Variants in GRID2 observed in about 807,000 individuals in gnomAD.
GRID2 encodes glutamate receptor ionotropic, delta-2.
GRID2 carries 33 observed loss-of-function variants against 114.8 expected under a neutral mutation model. The ratio of observed to expected loss-of-function variants is 0.29; its 90% confidence interval spans 0.22 to 0.38. GRID2 has a LOEUF of 0.38. Ranked by LOEUF, GRID2 falls within the 10% of genes least tolerant of loss-of-function variation. The probability of loss-of-function intolerance (pLI) is 1.00; values close to 1 mark genes in which losing one functional copy is unlikely to be tolerated. For missense variants in GRID2, 1,184 were observed against 1,257.7 expected (o/e 0.94, Z 0.89); for synonymous variants, 505 against 449.9 (o/e 1.12, Z -1.55).
rs748167220 is a variant in GRID2, at chr4:93,769,414, G to C, written c.2565G>C (p.Trp855Cys). The change falls in exon 15 of 16, where the codon TGG becomes TGC. Residue 855 changes from tryptophan (W) to cysteine (C), a missense_variant. Coordinates refer to ENST00000282020, the MANE Select transcript of GRID2 (RefSeq NM_001510.4). ...SCFIAMLETW[W>C]NKRKGSRVPS... ...TCATAGCCATGCTGGAGACGTGGTG[G>C]AACAAGAGGAAAGGCTCCCGGGTTC... 7.4e-6 allele frequency: 12 copies of C among 1,613,968 alleles called. No individual in the cohort carries two copies. In the Admixed American group the frequency reaches 2.0e-4, roughly 27 times the overall value.
intron 2 of GRID2, among the ~76,000 whole-genome samples, chr4:92,643,010 T>A (rs1345964688): frequency 1.3e-5 from 2 of 151,848 alleles, no homozygotes; most frequent in Admixed American, 1.3e-4. Flanking sequence ...CCTTATAGTA[T>A]AGTTTGACGT....
intron 8 of GRID2, among the ~76,000 whole-genome samples, chr4:93,360,007 A>C (rs1291989833): frequency 7.0e-6 from 1 of 143,638 alleles, no homozygotes; most frequent in Non-Finnish European, 1.5e-5. Flanking sequence ...TTACCTTTGC[A>C]AGTCTTCTTA....
At chr4:92,434,429 A>T (rs914346392) in intron 1 of GRID2, among the ~76,000 whole-genome samples, 1 of 152,208 alleles carries the variant, frequency 6.6e-6, no homozygotes, top group Admixed American at 6.5e-5. Flanking sequence ...CTAACAATGC[A>T]TTCGGAATTC....
At chr4:93,804,596 T>C (rs1262153117) in intron 1 of GRID2, among the ~76,000 whole-genome samples, 1 of 152,234 alleles carries the variant, frequency 6.6e-6, no homozygotes, top group Non-Finnish European at 1.5e-5. Context: ...TTATGCATCA[T>C]GTGACTATAT....
intron 8 of GRID2, among the ~76,000 whole-genome samples, chr4:93,264,734 T>TATATATA (rs1750620596): frequency 1.1e-5 from 1 of 91,008 alleles, no homozygotes; most frequent in African/African-American, 4.8e-5. Context: ...ATCATTTGAA[T>TATATATA]TATATATATA....
intron 13 of GRID2, among the ~76,000 whole-genome samples, chr4:93,552,150 A>G (rs950991555): frequency 6.6e-6 from 1 of 150,642 alleles, no homozygotes; most frequent in African/African-American, 2.4e-5. Context: ...TGTCCTTGTG[A>G]TAGTTTGCTG....
intron 1 of GRID2, among the ~76,000 whole-genome samples, chr4:92,578,717 T>TATCTATCTATCAATCAATCA (rs565564336): frequency 1.6e-4 from 17 of 109,490 alleles, no homozygotes; most frequent in African/African-American, 5.4e-4. Context: ...AAAATATCAT[T>TATCTATCTATCAATCAATCA]ATCTATCTAT....
intron 2 of GRID2, among the ~76,000 whole-genome samples, chr4:92,948,030 A>G (rs1751765415): frequency 1.3e-5 from 2 of 151,906 alleles, no homozygotes; most frequent in Admixed American, 1.3e-4. Context: ...ATTAATGGGA[A>G]TTTAAAAAAA....
At chr4:93,241,591 T>C (rs538904706) in intron 8 of GRID2, among the ~76,000 whole-genome samples, 24 of 152,026 alleles carry the variant, frequency 1.6e-4, no homozygotes, top group African/African-American at 5.3e-4. Flanking sequence ...GGGTTTTATA[T>C]TGATACTTAT....
intron 14 of GRID2, among the ~76,000 whole-genome samples, chr4:93,765,926 T>C (rs2110325938): frequency 6.6e-6 from 1 of 152,250 alleles, no homozygotes; most frequent in South Asian, 2.1e-4. Context: ...AAGTCATTCT[T>C]CAACTGTTTA....
chr4:93,223,739 G>T (rs963589371), intron 6 of GRID2, among the ~76,000 whole-genome samples: 5 of 151,842 alleles, frequency 3.3e-5, no homozygotes, highest in Admixed American at 2.6e-4. Context: ...AGCTTTTATT[G>T]ACCTAGGATT....
At chr4:92,830,528 G>A (rs1742033177) in intron 2 of GRID2, among the ~76,000 whole-genome samples, 1 of 151,764 alleles carries the variant, frequency 6.6e-6, no homozygotes, top group Non-Finnish European at 1.5e-5. Context: ...CCTTATTTAA[G>A]CATACTATTA....
intron 1 of GRID2, among the ~76,000 whole-genome samples, chr4:92,563,529 A>G (rs1287644802): frequency 6.6e-6 from 1 of 152,110 alleles, no homozygotes; most frequent in Admixed American, 6.6e-5. Flanking sequence ...GATTATGTAT[A>G]GTTCTAATTT....
intron 9 of GRID2, among the ~76,000 whole-genome samples, chr4:93,400,959 C>A (rs1392754712): frequency 1.3e-5 from 2 of 151,998 alleles, no homozygotes; most frequent in Non-Finnish European, 2.9e-5. Flanking sequence ...ACCTCAGCCT[C>A]CTGAGTAGCT....
At chr4:92,819,859 T>C (rs1336047866) in intron 2 of GRID2, among the ~76,000 whole-genome samples, 5 of 152,282 alleles carry the variant, frequency 3.3e-5, no homozygotes, top group Non-Finnish European at 5.9e-5. Flanking sequence ...TAGTACTCCA[T>C]AATGAAGAGA....
At chr4:93,624,295 G>A (rs1393510311) in intron 13 of GRID2, among the ~76,000 whole-genome samples, 1 of 151,974 alleles carries the variant, frequency 6.6e-6, no homozygotes, top group African/African-American at 2.4e-5. Context: ...TCTACTGGAT[G>A]ATAATTTTTT....
At chr4:93,307,134 G>A (rs13127743) in intron 8 of GRID2, among the ~76,000 whole-genome samples, 83,260 of 151,238 alleles carry the variant, frequency 0.55, 24,308 homozygotes, top group Middle Eastern at 0.74. Context: ...CCCGGGAGGT[G>A]GATGTTGCAG....
intron 2 of GRID2, among the ~76,000 whole-genome samples, chr4:92,929,207 A>G (rs1281898204): frequency 6.6e-6 from 1 of 151,374 alleles, no homozygotes; most frequent in Non-Finnish European, 1.5e-5. Flanking sequence ...TGTTAAATGA[A>G]GCACCTGTTA....
chr4:93,575,440 T>C (rs939734819), intron 13 of GRID2, among the ~76,000 whole-genome samples: 2 of 152,164 alleles, frequency 1.3e-5, no homozygotes, highest in African/African-American at 4.8e-5. Flanking sequence ...TCAAAGCTAA[T>C]ATTTAATGAT....
Sources: allele counts gnomAD v4.1 joint callset (sites outside exome capture counted in the v4.1 genomes callset), GRCh38; gene constraint gnomAD v4.1.1; transcripts MANE v1.5; gene names NCBI Gene and HGNC (gene_info 2026-07-23, HGNC 2026-07-21).